Variants in C4orf50 observed in about 807,000 individuals in gnomAD.
C4orf50 encodes chromosome 4 open reading frame 50, also known as uncharacterized protein C4orf50.
C4orf50 carries 80 observed loss-of-function variants against 77.2 expected under a neutral mutation model. The ratio of observed to expected loss-of-function variants is 1.04; its 90% confidence interval spans 0.87 to 1.25. The LOEUF is 1.25. C4orf50 is among the 50% of genes most tolerant of loss of function. C4orf50 has a pLI of 0.00. For synonymous variants in C4orf50, 532 were observed against 465.3 expected (o/e 1.14, Z -1.84); for missense variants, 1,257 against 1,152.9 (o/e 1.09, Z -1.31).
Position 6,008,312 on chromosome 4 carries a change from G to A in C4orf50, c.647C>T (p.Ala216Val). Residue 216 changes from alanine (A) to valine (V), a missense_variant, in exon 25 of 34, where the codon GCG becomes GTG. Ala to Val is a moderately conservative substitution (Grantham distance 64). Coordinates refer to ENST00000531445, the Ensembl canonical transcript of C4orf50. The surrounding 1 kb of genome is among the most constrained non-coding windows in gnomAD (Gnocchi z 6.0). ...GTCCCACTGGGCCAGCAGGAGGCCC[G>A]CGGCGCGGCAGAGGCGCCGCACGTT... 2.6e-6 allele frequency: 1 copy of A among 388,808 alleles called. No individual in the cohort carries two copies. Among genetic ancestry groups the A allele is most frequent in the Non-Finnish European group, 4.5e-6 (1 of 219,866 alleles). 24.1% of individuals were successfully genotyped at this position (388,808 alleles called of 1,614,324 possible).
At chr4:6,004,022 ATAATGTGATAG>A (rs1560598301) in intron 25 of C4orf50, among the ~76,000 whole-genome samples, 4 of 48,516 alleles carry the variant, frequency 8.2e-5, no homozygotes, top group Non-Finnish European at 1.2e-4. Flanking sequence ...TGTGATGGTG[ATAATGTGATAG>A]TGATGATGGT....
intron 28 of C4orf50, among the ~76,000 whole-genome samples, chr4:5,983,636 C>T (rs1005874159): frequency 7.2e-5 from 11 of 152,202 alleles, no homozygotes; most frequent in African/African-American, 2.7e-4. Flanking sequence ...AGTACAGGGT[C>T]ACAATCCTTA....
In C4orf50 at chr4:6,008,103, T is replaced by C. The variant is rs998935055; in HGVS notation, c.856A>G (p.Lys286Glu). The change falls in exon 25 of 34, where the codon AAG becomes GAG. Residue 286 changes from lysine to glutamate, a missense_variant. Transcript: ENST00000531445. This position sits in a 1 kb window ranked among gnomAD's most constrained non-coding sequence, Gnocchi z 6.0. ...CCCTGCAGGCCAATCTCTGACAGCT[T>C]CAGCCCATAGATGCAGCAGCGCAGC... 5.0e-6 allele frequency: 2 copies of C among 399,018 alleles called. No homozygotes were observed. Among genetic ancestry groups the C allele is most frequent in the Non-Finnish European group, 8.8e-6 (2 of 226,158 alleles). 24.7% of individuals were successfully genotyped at this position (399,018 alleles called of 1,614,324 possible).
intron 7 of C4orf50, among the ~76,000 whole-genome samples, chr4:5,912,432 T>A (rs1560537763): frequency 1.3e-5 from 2 of 152,286 alleles, no homozygotes; most frequent in East Asian, 3.9e-4. Context: ...TAGGCCTTTA[T>A]GAAGAAAAGG....
intron 7 of C4orf50, among the ~76,000 whole-genome samples, chr4:5,939,760 C>A (rs1290923419): frequency 6.6e-6 from 1 of 152,150 alleles, no homozygotes; most frequent in Non-Finnish European, 1.5e-5. Context: ...TCAGCCCTGT[C>A]CCCTGTCCCC....
At chr4:5,940,950 C>T (rs1186437622) in intron 7 of C4orf50, among the ~76,000 whole-genome samples, 1 of 152,144 alleles carries the variant, frequency 6.6e-6, no homozygotes, top group Non-Finnish European at 1.5e-5. Flanking sequence ...ACACAAAGCC[C>T]TCCTAGACTA....
intron 23 of C4orf50, 76 bp from the exon 2 acceptor site, chr4:6,012,044 C>T (rs1560604464): frequency 7.5e-6 from 3 of 398,640 alleles, no homozygotes; most frequent in Non-Finnish European, 1.3e-5. Context: ...GACACCAGGG[C>T]CAAATTATTA....
chr4:5,899,991 A>G (rs1716276483), intron 7 of C4orf50: 1 of 152,218 alleles, frequency 6.6e-6, no homozygotes, highest in Admixed American at 6.5e-5. Flanking sequence ...CCCAGCCCAG[A>G]GCCCTTCCGA....
chr4:5,938,507 A>G (rs985813483), intron 7 of C4orf50, among the ~76,000 whole-genome samples: 5 of 152,174 alleles, frequency 3.3e-5, no homozygotes, highest in African/African-American at 1.2e-4. Context: ...ATGGGGAAAG[A>G]CAAGCCTTCC....
intron 7 of C4orf50, among the ~76,000 whole-genome samples, chr4:5,921,394 G>GAT (rs1208053398): frequency 6.6e-6 from 1 of 152,172 alleles, no homozygotes; most frequent in Non-Finnish European, 1.5e-5. Flanking sequence ...TGGCCTCCAG[G>GAT]ATATATATAC....
Position 6,015,105 on chromosome 4 carries a change from C to T in C4orf50, c.287+3040G>A, listed in dbSNP as rs7668042. Among the ~76,000 whole-genome samples, 3,787 of 152,286 alleles carry T rather than the reference C, an allele frequency of 0.025. 111 individuals carry two copies. Among genetic ancestry groups the T allele is most frequent in the African/African-American group, 0.064 (2,678 of 41,540 alleles). On this transcript the variant is annotated intron_variant, in intron 23 of 33. Transcript: ENST00000531445. This position sits in a 1 kb window ranked among gnomAD's most constrained non-coding sequence, Gnocchi z 4.4. ...ACGCTGCTAGTCTCTCAGCCCAGGG[C>T]CCTGCCTTCCCCAACTCTCAGCACC...
chr4:5,907,582 ATGAAGGCAGATTTAGTAAAT>A (rs1181127659), intron 7 of C4orf50, among the ~76,000 whole-genome samples: 4 of 152,246 alleles, frequency 2.6e-5, no homozygotes, highest in African/African-American at 9.6e-5. Flanking sequence ...CTAGACACAA[ATGAAGGCAGATTTAGTAAAT>A]TGAAAGGCAG....
chr4:5,921,758 T>TA (rs2108738329), intron 7 of C4orf50, among the ~76,000 whole-genome samples: 1 of 152,136 alleles, frequency 6.6e-6, no homozygotes, highest in South Asian at 2.1e-4. Context: ...TGGGTGGATA[T>TA]AAGAAGTATT....
At chr4:5,911,186 G>C (rs1049909004) in intron 7 of C4orf50, among the ~76,000 whole-genome samples, 2 of 152,124 alleles carry the variant, frequency 1.3e-5, no homozygotes, top group Non-Finnish European at 2.9e-5. Flanking sequence ...TGGGATTACA[G>C]GCGTAAGCCA....
At position 6,007,641 on chromosome 4, in the gene C4orf50, G is replaced by A. The variant is rs1293188539; in HGVS notation, c.963+355C>T. ...AAGTGGGCTCATAAGTGGCTGCGTG[G>A]ACAAACAGGTGTTAGGATGAATGGC... On this transcript the variant is annotated intron_variant, in intron 25 of 33. Transcript: ENST00000531445. This position sits in a 1 kb window ranked among gnomAD's most constrained non-coding sequence, Gnocchi z 4.1. 2.6e-5 allele frequency among the ~76,000 whole-genome samples: 4 copies of A among 152,188 alleles called. No individual in the cohort carries two copies. Among genetic ancestry groups the A allele is most frequent in the Admixed American group, 6.5e-5 (1 of 15,280 alleles).
intron 7 of C4orf50, among the ~76,000 whole-genome samples, chr4:5,933,864 G>A (rs1408637484): frequency 6.6e-6 from 1 of 152,138 alleles, no homozygotes; most frequent in South Asian, 2.1e-4. Flanking sequence ...AGCCAATGTG[G>A]GGGTCCTGGT....
intron 33 of C4orf50, 55 bp downstream of exon 11, chr4:5,964,969 T>C: frequency 6.4e-7 from 1 of 1,567,844 alleles, no homozygotes; most frequent in South Asian, 1.2e-5. Flanking sequence ...GTAAATGTGT[T>C]GTACTTTCAA....
chr4:5,960,547 T>C (rs899546269), intron 33 of C4orf50, among the ~76,000 whole-genome samples: 3 of 152,314 alleles, frequency 2.0e-5, no homozygotes, highest in African/African-American at 7.2e-5. Context: ...AGGCAGGGAA[T>C]CGGCGATCAC....
intron 32 of C4orf50, among the ~76,000 whole-genome samples, chr4:5,966,277 A>T (rs1407421436): frequency 6.6e-6 from 1 of 152,238 alleles, no homozygotes; most frequent in East Asian, 1.9e-4. Context: ...GGAGTTCAAG[A>T]CCAGACTGGC....
Sources: gnomAD v4.1 joint callset for allele counts (sites outside exome capture counted in the v4.1 genomes callset) on GRCh38, gnomAD v4.1.1 for gene constraint, Gnocchi (gnomAD v3.1) non-coding constraint, MANE v1.5 for transcripts, NCBI Gene and HGNC (gene_info 2026-07-23, HGNC 2026-07-21) for gene names.